RNF24: variants seen among roughly 807,000 people sequenced by gnomAD.
The protein encoded by RNF24 is ring finger protein 24.
In RNF24, 14 loss-of-function variants were observed where a neutral mutation model predicts 20.0. The observed-to-expected ratio is 0.70, with a 90% confidence interval of 0.46 to 1.10. The LOEUF (loss-of-function observed/expected upper bound fraction) is 1.10. Among genes scored for constraint, RNF24 ranks in the 50% least tolerant of loss-of-function variants. RNF24 has a pLI of 0.00. For synonymous variants in RNF24, 45 were observed against 61.1 expected (o/e 0.74, Z 1.23); for missense variants, 124 against 177.6 (o/e 0.70, Z 1.71).
At chr20:3,935,419 G>T (rs1600618676) in intron 4 of RNF24, among the ~76,000 whole-genome samples, 2 of 152,194 alleles carry the variant, frequency 1.3e-5, no homozygotes, top group Non-Finnish European at 2.9e-5. Context: ...TGTGCCGAAA[G>T]AGCTGAGGCT....
rs1049740972 is a variant in RNF24, at chr20:3,934,703, C to T, written c.308+291G>A. ...AAATAAGTTTTTAGGAGATGAGGCT[C>T]TCAGTGGAAAGTTCCAGCTAAATAG... On this transcript the variant is annotated intron_variant, in intron 5 of 5. Coordinates refer to ENST00000358395, the MANE Select transcript of RNF24 (RefSeq NM_001134337.3). This position sits in a 1 kb window ranked among gnomAD's most constrained non-coding sequence, Gnocchi z 4.0. Among the ~76,000 whole-genome samples the T allele has an allele frequency of 1.3e-5, 2 of 152,144 alleles. No individual in the cohort carries two copies. Among genetic ancestry groups the T allele is most frequent in the African/African-American group, 4.8e-5 (2 of 41,440 alleles).
intron 1 of RNF24, among the ~76,000 whole-genome samples, chr20:3,971,715 C>T (rs1326100048): frequency 6.6e-6 from 1 of 152,046 alleles, no homozygotes; most frequent in East Asian, 1.9e-4. Context: ...AAGACATACA[C>T]TCAAAACACT....
intron 1 of RNF24, among the ~76,000 whole-genome samples, chr20:3,968,113 G>A (rs965065551): frequency 4.0e-5 from 6 of 151,856 alleles, no homozygotes; most frequent in Non-Finnish European, 5.9e-5. Flanking sequence ...AGACCTGCCT[G>A]GCTAATGTGG....
chr20:4,013,858 T>C (rs886208045), intron 1 of RNF24, among the ~76,000 whole-genome samples: 6 of 152,218 alleles, frequency 3.9e-5, no homozygotes, highest in African/African-American at 1.2e-4. Context: ...TAAAAGTATA[T>C]GGGTAAAAAG....
rs563730969 is a variant in RNF24, at chr20:4,015,511, G to T, written c.-82C>A. The T allele has an allele frequency of 0.012, 1,736 of 150,898 alleles. 13 individuals carry two copies. Among genetic ancestry groups the T allele is most frequent in the Middle Eastern group, 0.034 (10 of 294 alleles). 9.3% of individuals were successfully genotyped at this position (150,898 alleles called of 1,614,324 possible). ...CGGCGGGCGGCAGGCTGCGGGCGGC[G>T]AGCGTCCGTCCGGACAGAGCGCGGC... On this transcript the variant is annotated 5_prime_UTR_variant, in exon 1 of 6. Transcript: ENST00000358395.
chr20:3,954,920 G>A (rs1291238891), intron 2 of RNF24, among the ~76,000 whole-genome samples: 1 of 150,796 alleles, frequency 6.6e-6, no homozygotes, highest in Admixed American at 6.6e-5. Context: ...AAAAGAATTT[G>A]TTTGAAGATC....
chr20:3,996,719 C>A (rs963269213), intron 1 of RNF24, among the ~76,000 whole-genome samples: 1 of 152,196 alleles, frequency 6.6e-6, no homozygotes, highest in Non-Finnish European at 1.5e-5. Context: ...TCATGCTTAA[C>A]AGAATACTGA....
chr20:3,948,223 A>C lies in RNF24; in HGVS notation c.186+14T>G, dbSNP rs759480477. 1 of 1,577,310 alleles carries C rather than the reference A, an allele frequency of 6.3e-7. No individual in the cohort carries two copies. The highest frequency in any genetic ancestry group is 1.2e-5 in the South Asian group (1 of 84,126). On this transcript the variant is annotated intron_variant, in intron 3 of 5. Coordinates refer to ENST00000358395, the MANE Select transcript of RNF24 (RefSeq NM_001134337.3). ...AAAAAAAAAATCAAAGCCAATCTGA[A>C]TTAAATTTCTCACCTGTTTGTAGGC...
At chr20:3,945,100 A>G (rs970268590) in intron 4 of RNF24, 77 bp downstream of exon 4, 38 of 1,546,532 alleles carry the variant, frequency 2.5e-5, no homozygotes, top group Non-Finnish European at 3.2e-5. Context: ...TACTGAGAAT[A>G]AAAGTGTTTA....
intron 2 of RNF24, among the ~76,000 whole-genome samples, chr20:3,963,256 G>A (rs147123651): frequency 1.3e-5 from 2 of 152,260 alleles, no homozygotes; most frequent in East Asian, 1.9e-4. Flanking sequence ...GCAATGGCAC[G>A]ATCTTGGCTC....
Position 3,929,117 on chromosome 20 carries a change from G to C in RNF24, c.*4946C>G, listed in dbSNP as rs1408175371. 2 of 152,332 alleles carry C rather than the reference G, an allele frequency of 1.3e-5. No homozygotes were observed. Among genetic ancestry groups the C allele is most frequent in the Non-Finnish European group, 2.9e-5 (2 of 68,174 alleles). The allele number at this position is 152,332 out of a possible 1,614,324, so 9.4% of individuals were successfully genotyped here. A position where few individuals can be genotyped will look rare whatever the true frequency, so the allele number is the denominator to read the frequency against. ...CTGCCTCGGCCTCCCAAAGTGCTGG[G>C]ATGTTGGGATTACAGGCGTGAGCCA... On this transcript the variant is annotated 3_prime_UTR_variant, in exon 6 of 6. Coordinates refer to ENST00000358395, the MANE Select transcript of RNF24 (RefSeq NM_001134337.3).
rs1346153898 is a variant in RNF24, at chr20:3,930,172, T to TTA, written c.*3889_*3890dup. On this transcript the variant is annotated 3_prime_UTR_variant, in exon 6 of 6. Transcript: ENST00000358395. ...AACTCAAGAAAGGCTTTTAACTACT[T>TTA]TATGATTTGTGAACCACATGAATGG... is the stretch of plus-strand genomic sequence containing the variant. The TTA allele has an allele frequency of 5.9e-5, 9 of 152,202 alleles. No individual in the cohort carries two copies. The highest frequency in any genetic ancestry group is 1.9e-4 in the African/African-American group (8 of 41,444). 9.4% of individuals were successfully genotyped at this position (152,202 alleles called of 1,614,324 possible).
intron 3 of RNF24, 129 bp downstream of exon 3, chr20:3,948,108 A>T (rs1435414683): frequency 3.0e-6 from 2 of 666,806 alleles, no homozygotes; most frequent in Non-Finnish European, 5.2e-6. Flanking sequence ...TATACTGCAA[A>T]TTGGCAGTGA....
chr20:3,960,327 G>A (rs1429065994), intron 2 of RNF24, among the ~76,000 whole-genome samples: 2 of 152,166 alleles, frequency 1.3e-5, no homozygotes, highest in African/African-American at 4.8e-5. Flanking sequence ...AGTGTTAAAG[G>A]TAACAAATTA....
chr20:4,012,170 T>TG (rs1982509757), intron 1 of RNF24, among the ~76,000 whole-genome samples: 1 of 152,080 alleles, frequency 6.6e-6, no homozygotes. Context: ...CACAGCACTT[T>TG]GGGAGGCTAA....
intron 2 of RNF24, among the ~76,000 whole-genome samples, chr20:3,956,632 CCTTTT>C (rs2091145431): frequency 6.6e-6 from 1 of 151,680 alleles, no homozygotes; most frequent in Admixed American, 6.6e-5. Flanking sequence ...TTACTTTCTT[CCTTTT>C]ATTTTTTCTT....
chr20:3,935,849 T>A (rs1210443082), intron 4 of RNF24, among the ~76,000 whole-genome samples: 2 of 152,174 alleles, frequency 1.3e-5, no homozygotes, highest in Non-Finnish European at 2.9e-5. Flanking sequence ...TGAGGCCATT[T>A]AATTGGAGAG....
rs2091229068 is a variant in RNF24, at chr20:3,963,857, AG to A, written c.143+17del. ...TATTTAACATATTTTGAAGTAACAT[AG>A]AATGAAAATTGGTTACCTAATCAAG... On this transcript the variant is annotated intron_variant, in intron 2 of 5. Transcript: ENST00000358395. The A allele has an allele frequency of 6.5e-7, 1 of 1,530,692 alleles. No homozygotes were observed. Among genetic ancestry groups the A allele is most frequent in the East Asian group, 2.3e-5 (1 of 43,898 alleles). The allele number at this position is 1,530,692 out of a possible 1,614,324, so 94.8% of individuals were successfully genotyped here.
chr20:4,002,573 G>T (rs936802703), intron 1 of RNF24, among the ~76,000 whole-genome samples: 19 of 152,118 alleles, frequency 1.2e-4, no homozygotes, highest in African/African-American at 4.6e-4. Flanking sequence ...AAAAAATAGT[G>T]TAGGTAAGTC....
Sources: allele counts gnomAD v4.1 joint callset (sites outside exome capture counted in the v4.1 genomes callset), GRCh38; gene constraint gnomAD v4.1.1; non-coding constraint Gnocchi (gnomAD v3.1); transcripts MANE v1.5; gene names NCBI Gene and HGNC (gene_info 2026-07-23, HGNC 2026-07-21).